FSIP2: variants seen among roughly 807,000 people sequenced by gnomAD.
FSIP2 encodes fibrous sheath interacting protein 2.
Under a neutral mutation model 510.5 loss-of-function variants are expected in FSIP2, and 367 were observed. That is an observed-to-expected ratio of 0.72 (90% confidence interval 0.66 to 0.78). The LOEUF is 0.78. Among genes scored for constraint, FSIP2 ranks in the 30% least tolerant of loss-of-function variants. The pLI, the probability that FSIP2 is intolerant of heterozygous loss-of-function variation, is 0.00. For synonymous variants in FSIP2, 2,601 were observed against 2,732.2 expected, an observed-to-expected ratio of 0.95 and a Z score of 1.50; for missense variants, 7,594 against 7,901.7, an observed-to-expected ratio of 0.96 and a Z score of 1.48.
Position 185,809,074 on chromosome 2 carries a change from AAGAC to A in FSIP2, c.19772_19775del (p.Thr6591LysfsTer14), listed in dbSNP as rs1447231397. 2.5e-6 allele frequency: 4 copies of A among 1,602,110 alleles called. No homozygotes were observed. The Admixed American group carries it at 7.0e-5, about 28-fold the overall frequency. ...AGGATCACCTGATTTAGAAAAGAGA[AAGAC>A]AGAAAGACGTACCTCATTGGATAAG... On this transcript the variant is annotated frameshift_variant, in exon 17 of 23. Coordinates refer to ENST00000424728, the MANE Select transcript of FSIP2 (RefSeq NM_173651.4). LOFTEE classifies it high-confidence loss of function.
At position 185,802,404 on chromosome 2, in the gene FSIP2, T is replaced by C; in HGVS notation, c.13098T>C (p.Asn4366=). ...DDKEQAFFSF[N]TDIVDELATS... is the part of the protein sequence containing the mutation. ...AAGAACAGGCTTTCTTTTCTTTCAATACAGATATTGTGGATGAACTTGCCA... is the reference window on the plus strand; with the variant it reads ...AAGAACAGGCTTTCTTTTCTTTCAACACAGATATTGTGGATGAACTTGCCA... The change falls in exon 17 of 23, where the codon AAT becomes AAC. Residue 4366 remains asparagine, a synonymous_variant. Coordinates refer to ENST00000424728, the MANE Select transcript of FSIP2 (RefSeq NM_173651.4). The C allele has an allele frequency of 6.5e-7, 1 of 1,533,550 alleles. No individual in the cohort carries two copies. Among genetic ancestry groups the C allele is most frequent in the Non-Finnish European group, 8.7e-7 (1 of 1,145,340 alleles). 95.0% of individuals were successfully genotyped at this position (1,533,550 alleles called of 1,614,324 possible).
intron 18 of FSIP2, among the ~76,000 whole-genome samples, chr2:185,814,736 C>T (rs760018760): frequency 3.0e-4 from 46 of 151,878 alleles, no homozygotes; most frequent in Non-Finnish European, 6.2e-4. Flanking sequence ...TGGATGAGCC[C>T]TGTAATTCTA....
At chr2:185,810,103 A>C (rs1333910338) in intron 17 of FSIP2, among the ~76,000 whole-genome samples, 1 of 151,982 alleles carries the variant, frequency 6.6e-6, no homozygotes, top group Non-Finnish European at 1.5e-5. Flanking sequence ...GCTTAGAGTA[A>C]ATTTTTTCAG....
intron 13 of FSIP2, among the ~76,000 whole-genome samples, chr2:185,779,811 G>A (rs1350601185): frequency 2.0e-5 from 3 of 151,996 alleles, no homozygotes; most frequent in African/African-American, 7.2e-5. Flanking sequence ...TCTTTAGAAA[G>A]GTCTTTAGTG....
At position 185,805,915 on chromosome 2, in the gene FSIP2, T is replaced by C; in HGVS notation, c.16609T>C (p.Ser5537Pro). 1 of 1,598,098 alleles carries C rather than the reference T, an allele frequency of 6.3e-7. No individual in the cohort carries two copies. Among genetic ancestry groups the C allele is most frequent in the Non-Finnish European group, 8.5e-7 (1 of 1,175,130 alleles). Reference sequence around the variant, plus strand: ...TACTCAAAAACATAGTGAGAATGTATCAAAAGTTACTTCAACTACCACTGT... The same window carrying C: ...TACTCAAAAACATAGTGAGAATGTACCAAAAGTTACTTCAACTACCACTGT... ...ICTQKHSENV[S>P]KVTSTTTVKS... Residue 5537 changes from serine (S) to proline (P), a missense_variant, in exon 17 of 23, where the codon TCA (serine) becomes CCA (proline). By Grantham distance (74) the Ser-to-Pro change is moderately conservative. Coordinates refer to ENST00000424728, the MANE Select transcript of FSIP2 (RefSeq NM_173651.4).
At chr2:185,781,406 T>G (rs895732875) in intron 13 of FSIP2, among the ~76,000 whole-genome samples, 26 of 152,232 alleles carry the variant, frequency 1.7e-4, no homozygotes, top group African/African-American at 6.0e-4. Flanking sequence ...GTGTATTAAA[T>G]GCATTTCCAA....
chr2:185,743,122 T>C lies in FSIP2; in HGVS notation c.226-11T>C. On this transcript the variant is annotated splice_polypyrimidine_tract_variant and intron_variant, in intron 2 of 22. Coordinates refer to ENST00000424728, the MANE Select transcript of FSIP2 (RefSeq NM_173651.4). ...CATTAATTTTACATATTTTTGAATC[T>C]GTGTTTGCAGCTTTTTCGACCTTCT... is the stretch of plus-strand genomic sequence containing the variant. 7.0e-7 allele frequency: 1 copy of C among 1,434,082 alleles called. No homozygotes were observed. The highest frequency in any genetic ancestry group is 9.1e-7 in the Non-Finnish European group (1 of 1,098,228). The allele number at this position is 1,434,082 out of a possible 1,614,324, so 88.8% of individuals were successfully genotyped here.
rs1693620573 is a variant in FSIP2 at position 185,807,723 on chromosome 2, T to C, written c.18417T>C (p.Thr6139=). The change falls in exon 17 of 23, where the codon ACT becomes ACC. Residue 6139 remains threonine, a synonymous_variant. Coordinates refer to ENST00000424728, the MANE Select transcript of FSIP2 (RefSeq NM_173651.4). ...QLQSYFCGEL[T]PHQCVEVENI... ...AGAGCTATTTTTGTGGAGAGCTAAC[T>C]CCACATCAGTGTGTGGAAGTTGAAA... The C allele has an allele frequency of 6.2e-7, 1 of 1,612,642 alleles. No homozygotes were observed. The highest frequency in any genetic ancestry group is 1.3e-5 in the African/African-American group (1 of 74,938).
intron 17 of FSIP2, among the ~76,000 whole-genome samples, chr2:185,812,304 G>A (rs1693748382): frequency 6.6e-6 from 1 of 152,092 alleles, no homozygotes; most frequent in Non-Finnish European, 1.5e-5. Flanking sequence ...TATAATGATT[G>A]CACTACTGGG....
Position 185,793,011 on chromosome 2 carries a change from A to C in FSIP2, c.5875A>C (p.Ser1959Arg). 1 of 1,534,412 alleles carries C rather than the reference A, an allele frequency of 6.5e-7. No homozygotes were observed. Among genetic ancestry groups the C allele is most frequent in the Non-Finnish European group, 8.7e-7 (1 of 1,145,632 alleles). ...GGCTTTACCTATTCAGCAAGATCAC[A>C]GTACATTGAGCAAAGCATTATCAGC... ...PVALPIQQDH[S>R]TLSKALSAKD... Residue 1959 changes from serine (S) to arginine (R), a missense_variant, in exon 16 of 23, where the codon AGT becomes CGT. Ser to Arg is a moderately radical substitution (Grantham distance 110). Coordinates refer to ENST00000424728, the MANE Select transcript of FSIP2 (RefSeq NM_173651.4).
intron 22 of FSIP2, 21 bp downstream of exon 22, chr2:185,831,903 A>T (rs1202861116): frequency 1.0e-5 from 15 of 1,438,700 alleles, no homozygotes; most frequent in Non-Finnish European, 1.4e-5. Context: ...TACTATTTTA[A>T]CAACTGGTGT....
At position 185,803,298 on chromosome 2, in the gene FSIP2, G is replaced by C; in HGVS notation, c.13992G>C (p.Leu4664Phe). The part of the protein sequence containing the change: ...LFEKAEELIH[L>F]ITGEFSKAQV... ...AGAAAGCTGAAGAACTCATACATTT[G>C]ATTACAGGGGAATTCTCAAAAGCCC... is the stretch of plus-strand genomic sequence containing the variant. Residue 4664 changes from leucine to phenylalanine, a missense_variant, in exon 17 of 23, where the codon TTG (leucine) becomes TTC (phenylalanine). Coordinates refer to ENST00000424728, the MANE Select transcript of FSIP2 (RefSeq NM_173651.4). 1.3e-6 allele frequency: 2 copies of C among 1,526,512 alleles called. No individual in the cohort carries two copies. The highest frequency in any genetic ancestry group is 1.7e-6 in the Non-Finnish European group (2 of 1,142,878). 94.6% of individuals were successfully genotyped at this position (1,526,512 alleles called of 1,614,324 possible). A position where few individuals can be genotyped will look rare whatever the true frequency, so the allele number is the denominator to read the frequency against.
chr2:185,796,168 T>A lies in FSIP2; in HGVS notation c.9032T>A (p.Ile3011Asn). Residue 3011 changes from isoleucine (I) to asparagine (N), a missense_variant, in exon 16 of 23, where the codon ATC (isoleucine) becomes AAC (asparagine). Ile to Asn is a moderately radical substitution (Grantham distance 149). Transcript: ENST00000424728. ...TTTGTGGACTTGCAGTTTAAACATA[T>A]CTCCAAATATGAGTTTTCTGAAATT... Reference protein sequence around the residue: ...ESFVDLQFKHISKYEFSEIVK... With the variant: ...ESFVDLQFKHNSKYEFSEIVK... 2 of 1,533,330 alleles carry A rather than the reference T, an allele frequency of 1.3e-6. No homozygotes were observed. Among genetic ancestry groups the A allele is most frequent in the Non-Finnish European group, 8.7e-7 (1 of 1,145,206 alleles). 95.0% of individuals were successfully genotyped at this position (1,533,330 alleles called of 1,614,324 possible).
At chr2:185,782,313 A>C (rs1559022362) in intron 13 of FSIP2, among the ~76,000 whole-genome samples, 1 of 152,186 alleles carries the variant, frequency 6.6e-6, no homozygotes, top group African/African-American at 2.4e-5. Context: ...GTATCAAGGA[A>C]GGCTTTCAAG....
chr2:185,789,583 T>C lies in FSIP2; in HGVS notation c.2447T>C (p.Met816Thr), dbSNP rs1392048175. 6 of 1,534,702 alleles carry C rather than the reference T, an allele frequency of 3.9e-6. No individual in the cohort carries two copies. The highest frequency in any genetic ancestry group is 2.6e-6 in the Non-Finnish European group (3 of 1,145,878). The change falls in exon 16 of 23, where the codon ATG becomes ACG. Residue 816 changes from methionine (M) to threonine (T), a missense_variant. By Grantham distance (81) the Met-to-Thr change is moderately conservative. Transcript: ENST00000424728. ...KNSMPHTLDP[M>T]CDIAEDMVHA... Reference sequence around the variant, plus strand: ...TCAATGCCTCATACTTTGGACCCAATGTGTGATATTGCAGAGGACATGGTG... The same window carrying C: ...TCAATGCCTCATACTTTGGACCCAACGTGTGATATTGCAGAGGACATGGTG...
Position 185,802,333 on chromosome 2 carries a change from A to C in FSIP2, c.13027A>C (p.Asn4343His), listed in dbSNP as rs1012467159. 5 of 1,533,528 alleles carry C rather than the reference A, an allele frequency of 3.3e-6. No homozygotes were observed. The African/African-American group carries it at 5.5e-5, about 17-fold the overall frequency. The allele number at this position is 1,533,528 out of a possible 1,614,324, so 95.0% of individuals were successfully genotyped here. Residue 4343 changes from asparagine (N) to histidine (H), a missense_variant, in exon 17 of 23, where the codon AAT (asparagine) becomes CAT (histidine). Coordinates refer to ENST00000424728, the MANE Select transcript of FSIP2 (RefSeq NM_173651.4). ...GACCCAAAGAATAGTAAACTCCATA[A>C]ATAGGCATTTCAATAAAGCTAAAAT... Reference protein sequence around the residue: ...NMTQRIVNSINRHFNKAKIHI... With the variant: ...NMTQRIVNSIHRHFNKAKIHI...
chr2:185,772,505 G>C (rs993778132), intron 13 of FSIP2, among the ~76,000 whole-genome samples: 1 of 152,118 alleles, frequency 6.6e-6, no homozygotes, highest in Non-Finnish European at 1.5e-5. Flanking sequence ...CATATCACAT[G>C]GTAAGAAAGC....
At chr2:185,758,368 G>C (rs1480393377) in intron 9 of FSIP2, among the ~76,000 whole-genome samples, 1 of 150,966 alleles carries the variant, frequency 6.6e-6, no homozygotes, top group African/African-American at 2.4e-5. Context: ...TTTAACTTTT[G>C]GCTCCCCAGA....
intron 21 of FSIP2, 126 bp downstream of exon 21, chr2:185,828,325 C>A: frequency 1.6e-6 from 1 of 623,412 alleles, no homozygotes. Flanking sequence ...TTCTCCTATT[C>A]ACAATTTCTT....
Sources: allele counts gnomAD v4.1 joint callset (sites outside exome capture counted in the v4.1 genomes callset), GRCh38; gene constraint gnomAD v4.1.1; transcripts MANE v1.5; gene names NCBI Gene and HGNC (gene_info 2026-07-23, HGNC 2026-07-21).